The following MADCAM1 variants were observed in gnomAD, a reference collection of about 807,000 sequenced individuals.
MADCAM1 encodes the protein mucosal addressin cell adhesion molecule 1.
A neutral mutation model predicts 26.1 loss-of-function variants in MADCAM1; 19 were observed. The ratio of observed to expected loss-of-function variants is 0.73; its 90% CI spans 0.51 to 1.07. The LOEUF is 1.07. MADCAM1 is among the 50% of genes least tolerant of loss of function. MADCAM1 has a pLI of 0.00. For synonymous variants in MADCAM1, 268 were observed against 260.9 expected, an observed-to-expected ratio of 1.03 and a Z score of -0.26; for missense variants, 514 against 542.1, an observed-to-expected ratio of 0.95 and a Z score of 0.51.
chr19:499,545 C>T (rs1016040981), intron 3 of MADCAM1, among the ~76,000 whole-genome samples: 3 of 152,234 alleles, frequency 2.0e-5, no homozygotes, highest in Non-Finnish European at 2.9e-5. Context: ...CACAGGCACA[C>T]GCGTGTACAA....
Position 496,496 on chromosome 19 carries a change from G to A in MADCAM1, c.-4G>A, listed in dbSNP as rs199659954. The A allele has an allele frequency of 7.9e-4, 1,035 of 1,310,566 alleles. No homozygotes were observed. Among genetic ancestry groups the A allele is most frequent in the Non-Finnish European group, 9.5e-4 (966 of 1,022,202 alleles). 81.2% of individuals were successfully genotyped at this position (1,310,566 alleles called of 1,614,324 possible). ...CCGCGGCCTCGGGACAGAGGGGACT[G>A]AGCATGGATTTCGGACTGGCCCTCC... On this transcript the variant is annotated 5_prime_UTR_variant, in exon 1 of 5. Coordinates refer to ENST00000215637, the MANE Select transcript of MADCAM1 (RefSeq NM_130760.3).
intron 2 of MADCAM1, 87 bp from the exon 3 acceptor site, chr19:498,409 A>G: frequency 1.5e-6 from 2 of 1,333,802 alleles, no homozygotes; most frequent in South Asian, 4.0e-5. Context: ...CCTTGGCCCC[A>G]GCTCCAAGCC....
chr19:504,011 C>T (rs535845057), intron 4 of MADCAM1, among the ~76,000 whole-genome samples: 9 of 150,820 alleles, frequency 6.0e-5, no homozygotes, highest in Admixed American at 1.3e-4. Context: ...GCTAAGATCA[C>T]GCCATTGCAC....
At position 501,831 on chromosome 19, in the gene MADCAM1, G is replaced by A; in HGVS notation, c.830G>A (p.Gly277Asp). The change falls in exon 4 of 5, where the codon GGC becomes GAC. Residue 277 changes from glycine (G) to aspartate (D), a missense_variant. This residue lies in a region of MADCAM1 where 45 missense variants were observed against 91.8 expected (regional missense o/e 0.49). Transcript: ENST00000215637. ...KTSPEPAPQQGSTHTPRSPGS... is the reference protein window; with the variant it reads ...KTSPEPAPQQDSTHTPRSPGS... ...TCCCCGGAGCCCGCCCCCCAGCAGG[G>A]CTCCACACACACCCCCAGGAGCCCA... is the stretch of plus-strand genomic sequence containing the variant. 6.8e-7 allele frequency: 1 copy of A among 1,460,470 alleles called. No individual in the cohort carries two copies. Among genetic ancestry groups the A allele is most frequent in the East Asian group, 2.8e-5 (1 of 35,632 alleles). 90.5% of individuals were successfully genotyped at this position (1,460,470 alleles called of 1,614,324 possible).
Position 498,133 on chromosome 19 carries a change from G to A in MADCAM1, c.337+16G>A, listed in dbSNP as rs1002518234. Reference sequence around the variant, plus strand: ...CTTGTGTACGGTGAGGCGTCCCCCCGCGCCCTGCCTCTCTGACCCTTGGAC... The same window carrying A: ...CTTGTGTACGGTGAGGCGTCCCCCCACGCCCTGCCTCTCTGACCCTTGGAC... On this transcript the variant is annotated intron_variant, in intron 2 of 4. Transcript: ENST00000215637. The A allele has an allele frequency of 2.0e-5, 26 of 1,312,226 alleles. No individual in the cohort carries two copies. Among genetic ancestry groups the A allele is most frequent in the African/African-American group, 3.1e-5 (2 of 64,966 alleles). 81.3% of individuals were successfully genotyped at this position (1,312,226 alleles called of 1,614,324 possible).
intron 4 of MADCAM1, among the ~76,000 whole-genome samples, chr19:503,429 A>C (rs950679912): frequency 3.3e-5 from 5 of 151,146 alleles, no homozygotes; most frequent in South Asian, 2.1e-4. Flanking sequence ...AAAATACAAA[A>C]AATTAGCCGG....
chr19:500,549 G>A (rs1325288337), intron 3 of MADCAM1, among the ~76,000 whole-genome samples: 1 of 152,130 alleles, frequency 6.6e-6, no homozygotes, highest in Non-Finnish European at 1.5e-5. Context: ...GGCCAACATA[G>A]TGAAACCCCA....
rs1063736 is a variant in MADCAM1, at chr19:501,738, C to T, written c.737C>T (p.Pro246Leu). 20 of 775,782 alleles carry T rather than the reference C, an allele frequency of 2.6e-5. No individual in the cohort carries two copies. The highest frequency in any genetic ancestry group is 3.6e-4 in the Middle Eastern group (1 of 2,740). 48.1% of individuals were successfully genotyped at this position (775,782 alleles called of 1,614,324 possible). ...TSPESPDTTS[P>L]ESPDTTSQEP... ...CCGGAGTCTCCCGACACCACCTCCC[C>T]GGAGTCTCCCGACACCACCTCCCAG... The change falls in exon 4 of 5, where the codon CCG becomes CTG. Residue 246 changes from proline to leucine, a missense_variant. Physicochemically the swap from Pro to Leu is moderately conservative, Grantham distance 98. Transcript: ENST00000215637.
intron 4 of MADCAM1, among the ~76,000 whole-genome samples, chr19:504,255 C>CTTTTTTT: frequency 1.1e-5 from 1 of 88,148 alleles, no homozygotes; most frequent in Non-Finnish European, 2.3e-5. Flanking sequence ...CCGGTCTGCC[C>CTTTTTTT]TTTTTTTTTT....
intron 3 of MADCAM1, chr19:499,268 T>G: frequency 2.2e-6 from 1 of 461,268 alleles, no homozygotes; most frequent in African/African-American, 2.0e-5. Flanking sequence ...AATACCCTTC[T>G]TCCGGATCTT....
Position 504,732 on chromosome 19 carries a change from A to T in MADCAM1, c.929-13A>T, listed in dbSNP as rs373642778. On this transcript the variant is annotated splice_polypyrimidine_tract_variant and intron_variant, in intron 4 of 4. Coordinates refer to ENST00000215637, the MANE Select transcript of MADCAM1 (RefSeq NM_130760.3). ...GAGGGCTCTGACCGGGGTCTCCTGCACTCTCTCCCCAGCGTCCAAACCTGC... is the reference window on the plus strand; with the variant it reads ...GAGGGCTCTGACCGGGGTCTCCTGCTCTCTCTCCCCAGCGTCCAAACCTGC... The T allele has an allele frequency of 2.5e-4, 400 of 1,587,982 alleles. 1 individual carries two copies. The Middle Eastern group carries it at 4.8e-3, about 19-fold the overall frequency.
At chr19:499,431 C>T in intron 3 of MADCAM1, 1 of 449,340 alleles carries the variant, frequency 2.2e-6, no homozygotes, top group Non-Finnish European at 4.5e-6. Flanking sequence ...CACAGACACA[C>T]ACACGCGTGC....
At chr19:502,044 C>A in intron 4 of MADCAM1, 115 bp downstream of exon 4, 1 of 1,160,444 alleles carries the variant, frequency 8.6e-7, no homozygotes, top group Non-Finnish European at 1.2e-6. Flanking sequence ...CCCCGTCTGC[C>A]CAGCCTCAGT....
At chr19:499,238 C>T (rs556767789) in intron 3 of MADCAM1, 65 of 471,686 alleles carry the variant, frequency 1.4e-4, no homozygotes, top group South Asian at 9.3e-4. Flanking sequence ...GGCCTTTGCA[C>T]GGCTGTGCCC....
chr19:504,255 CTTTTTTTTTTTT>C (rs141972615), intron 4 of MADCAM1, among the ~76,000 whole-genome samples: 1 of 88,150 alleles, frequency 1.1e-5, no homozygotes, highest in Non-Finnish European at 2.3e-5. Flanking sequence ...CCGGTCTGCC[CTTTTTTTTTTTT>C]TTTTTTTTTT....
Position 498,719 on chromosome 19 carries a change from G to A in MADCAM1, c.561G>A (p.Glu187=), listed in dbSNP as rs1446148416. The A allele has an allele frequency of 1.4e-6, 2 of 1,457,570 alleles. No homozygotes were observed. Among genetic ancestry groups the A allele is most frequent in the Admixed American group, 6.0e-5 (2 of 33,588 alleles). The allele number at this position is 1,457,570 out of a possible 1,614,324, so 90.3% of individuals were successfully genotyped here. A position where few individuals can be genotyped will look rare whatever the true frequency, so the allele number is the denominator to read the frequency against. Reference sequence around the variant, plus strand: ...AGGACGTGCTGTTCAGGGTGACAGAGCGCTGGCGGCTGCCGCCCCTGGGGA... The same window carrying A: ...AGGACGTGCTGTTCAGGGTGACAGAACGCTGGCGGCTGCCGCCCCTGGGGA... The part of the protein sequence containing the change: ...GDEDVLFRVT[E]RWRLPPLGTP... Residue 187 remains glutamate (E), a synonymous_variant, in exon 3 of 5, where the codon GAG becomes GAA. Transcript: ENST00000215637.
intron 4 of MADCAM1, among the ~76,000 whole-genome samples, chr19:503,454 G>A (rs1195047790): frequency 1.1e-4 from 16 of 149,034 alleles, no homozygotes; most frequent in East Asian, 6.1e-4. Flanking sequence ...GGCAGCGGGC[G>A]CCTGTAGTCC....
chr19:502,088 G>C (rs1224246332), intron 4 of MADCAM1, among the ~76,000 whole-genome samples, 159 bp downstream of exon 4: 1 of 151,446 alleles, frequency 6.6e-6, no homozygotes. Context: ...TTCCCCATCT[G>C]CCCAGCCTCG....
intron 1 of MADCAM1, 25 bp downstream of exon 1, chr19:496,576 G>T: frequency 7.8e-7 from 1 of 1,283,064 alleles, no homozygotes; most frequent in African/African-American, 1.6e-5. Context: ...GGGCGCGGGA[G>T]AGAGGAGTGA....
Sources: allele counts gnomAD v4.1 joint callset (sites outside exome capture counted in the v4.1 genomes callset), GRCh38; gene constraint gnomAD v4.1.1; regional missense constraint gnomAD v4.1.1; transcripts MANE v1.5; gene names NCBI Gene and HGNC (gene_info 2026-07-23, HGNC 2026-07-21).